The following DIAPH3 variants were observed in gnomAD, a reference collection of about 807,000 sequenced individuals.
DIAPH3 encodes the protein protein diaphanous homolog 3.
A neutral mutation model predicts 144.3 loss-of-function variants in DIAPH3; 117 were observed. That is an observed-to-expected ratio of 0.81 (90% confidence interval 0.70 to 0.95). DIAPH3 has a LOEUF of 0.95. Ranked by LOEUF, DIAPH3 falls within the 40% of genes least tolerant of loss-of-function variation. The pLI, the probability that DIAPH3 is intolerant of heterozygous loss-of-function variation, is 0.00. For missense variants in DIAPH3, 1,421 were observed against 1,412.7 expected (o/e 1.01, Z -0.09); for synonymous variants, 519 against 488.9 (o/e 1.06, Z -0.81).
chr13:59,785,949 G>A lies in DIAPH3; in HGVS notation c.3164-11126C>T, dbSNP rs536781351. ...CCTTCTTCCTATCTTGAATAGGCCT[G>A]GATCTGTAGCATCCATCTTATACTT... is the stretch of plus-strand genomic sequence containing the variant. On this transcript the variant is annotated intron_variant, in intron 25 of 27. Coordinates refer to ENST00000400324, the MANE Select transcript of DIAPH3 (RefSeq NM_001042517.2). 3.3e-5 allele frequency among the ~76,000 whole-genome samples: 5 copies of A among 152,144 alleles called. No individual in the cohort carries two copies. In the South Asian group the frequency reaches 1.0e-3, roughly 32 times the overall value.
At chr13:59,707,736 C>T (rs1021684661) in intron 27 of DIAPH3, among the ~76,000 whole-genome samples, 2 of 152,076 alleles carry the variant, frequency 1.3e-5, no homozygotes, top group Non-Finnish European at 2.9e-5. Context: ...CTTCTACAAA[C>T]TCCCTTCACT....
chr13:60,043,543 T>A (rs929562992), intron 4 of DIAPH3, among the ~76,000 whole-genome samples: 2 of 152,148 alleles, frequency 1.3e-5, no homozygotes, highest in African/African-American at 4.8e-5. Flanking sequence ...CATATGCAAC[T>A]GAAGACAGAG....
At chr13:59,824,670 T>C (rs940482678) in intron 24 of DIAPH3, among the ~76,000 whole-genome samples, 1 of 152,060 alleles carries the variant, frequency 6.6e-6, no homozygotes, top group African/African-American at 2.4e-5. Context: ...AACTAGAAAA[T>C]AATAACTACA....
intron 24 of DIAPH3, among the ~76,000 whole-genome samples, chr13:59,823,401 T>A (rs192561216): frequency 5.9e-5 from 9 of 152,332 alleles, no homozygotes; most frequent in African/African-American, 2.2e-4. Flanking sequence ...GTCTTATAGT[T>A]AGCATATTTA....
chr13:60,145,734 T>C (rs1199026671), intron 1 of DIAPH3, among the ~76,000 whole-genome samples: 1 of 152,028 alleles, frequency 6.6e-6, no homozygotes, highest in Admixed American at 6.5e-5. Flanking sequence ...ATACATGGTT[T>C]GCTAGGGTGT....
chr13:60,145,355 A>G (rs1951455312), intron 1 of DIAPH3, among the ~76,000 whole-genome samples: 1 of 152,220 alleles, frequency 6.6e-6, no homozygotes, highest in South Asian at 2.1e-4. Context: ...CACTGACTAC[A>G]AAACCACACC....
chr13:59,743,253 A>G (rs2036550058), intron 27 of DIAPH3, among the ~76,000 whole-genome samples: 1 of 152,224 alleles, frequency 6.6e-6, no homozygotes, highest in Non-Finnish European at 1.5e-5. Context: ...ACTGCAACAA[A>G]GCAGTCTGGA....
In DIAPH3 at chr13:60,097,431, CA is replaced by C. The variant is rs561194992; in HGVS notation, c.391-3700del. On this transcript the variant is annotated intron_variant, in intron 3 of 27. Transcript: ENST00000400324. ...CCACCTTCTCCCTTGCCTCCTCTCTCACCATGTGATCTCTGCACACACCAGC... is the reference window on the plus strand; with the variant it reads ...CCACCTTCTCCCTTGCCTCCTCTCTCCCATGTGATCTCTGCACACACCAGC... Among the ~76,000 whole-genome samples the C allele has an allele frequency of 6.8e-4, 103 of 152,166 alleles. 1 individual carries two copies. Among genetic ancestry groups the C allele is most frequent in the Non-Finnish European group, 1.2e-3 (79 of 68,022 alleles).
intron 21 of DIAPH3, among the ~76,000 whole-genome samples, chr13:59,875,534 A>T (rs2044565763): frequency 6.6e-6 from 1 of 152,102 alleles, no homozygotes; most frequent in Non-Finnish European, 1.5e-5. Flanking sequence ...GTTCTAAAAA[A>T]AAAATCCTGA....
chr13:60,042,662 C>T (rs377147687), intron 5 of DIAPH3, 28 bp downstream of exon 5: 178 of 1,612,656 alleles, frequency 1.1e-4, no homozygotes, highest in Non-Finnish European at 1.4e-4. Context: ...TGACATCTGC[C>T]CTGTTGGTGT....
chr13:59,826,806 A>G (rs899383555), intron 24 of DIAPH3, among the ~76,000 whole-genome samples: 3 of 152,074 alleles, frequency 2.0e-5, no homozygotes, highest in Non-Finnish European at 4.4e-5. Context: ...AGTAACCAAA[A>G]CAGCATGGTA....
intron 17 of DIAPH3, among the ~76,000 whole-genome samples, chr13:59,953,103 T>C (rs1014780707): frequency 1.3e-5 from 2 of 152,040 alleles, no homozygotes; most frequent in African/African-American, 4.8e-5. Context: ...GCAGGATTAA[T>C]TTGGGAGTTG....
intron 1 of DIAPH3, among the ~76,000 whole-genome samples, chr13:60,155,332 C>T (rs1052153247): frequency 2.0e-5 from 3 of 152,090 alleles, no homozygotes; most frequent in Admixed American, 6.6e-5. Context: ...CCCTTTTTAC[C>T]GTCAAAGAAA....
At chr13:59,685,745 T>C (rs1195451441) in intron 27 of DIAPH3, among the ~76,000 whole-genome samples, 1 of 152,066 alleles carries the variant, frequency 6.6e-6, no homozygotes, top group East Asian at 1.9e-4. Flanking sequence ...TCACTGTTGG[T>C]TGTGTAGAAG....
chr13:59,937,168 A>C lies in DIAPH3; in HGVS notation c.2075-12298T>G, dbSNP rs575113895. On this transcript the variant is annotated intron_variant, in intron 17 of 27. Coordinates refer to ENST00000400324, the MANE Select transcript of DIAPH3 (RefSeq NM_001042517.2). The stretch of plus-strand genomic sequence containing the variant: ...ACAGAGCAAGACTCCATCTCAAAAA[A>C]AAAAAAACATAATAATAATAATTTT... Among the ~76,000 whole-genome samples, 39 of 152,186 alleles carry C rather than the reference A, an allele frequency of 2.6e-4. 1 individual carries two copies. The highest frequency in any genetic ancestry group is 3.4e-3 in the Middle Eastern group (1 of 294).
intron 3 of DIAPH3, among the ~76,000 whole-genome samples, chr13:60,106,706 T>C (rs2058430577): frequency 6.6e-6 from 1 of 151,828 alleles, no homozygotes; most frequent in African/African-American, 2.4e-5. Context: ...AACAACAAAA[T>C]GGGCAAAAAT....
At chr13:59,995,543 C>T (rs535760143) in intron 9 of DIAPH3, among the ~76,000 whole-genome samples, 1 of 151,946 alleles carries the variant, frequency 6.6e-6, no homozygotes, top group African/African-American at 2.4e-5. Flanking sequence ...TTGATGCCTA[C>T]TATATACCAG....
At chr13:59,703,231 G>A (rs1186677753) in intron 27 of DIAPH3, among the ~76,000 whole-genome samples, 5 of 152,090 alleles carry the variant, frequency 3.3e-5, no homozygotes, top group East Asian at 1.9e-4. Flanking sequence ...TGAAGACTTC[G>A]CATGAGTAAA....
At chr13:59,811,852 A>T (rs578048951) in intron 24 of DIAPH3, among the ~76,000 whole-genome samples, 1 of 152,048 alleles carries the variant, frequency 6.6e-6, no homozygotes, top group African/African-American at 2.4e-5. Context: ...ATATGTGATT[A>T]TTTGTTTAAT....
Sources: gnomAD v4.1 joint callset for allele counts (sites outside exome capture counted in the v4.1 genomes callset) on GRCh38, gnomAD v4.1.1 for gene constraint, MANE v1.5 for transcripts, NCBI Gene and HGNC (gene_info 2026-07-23, HGNC 2026-07-21) for gene names.